Variants in VAT1L observed in about 807,000 individuals in gnomAD.
VAT1L encodes the protein putative NADPH-dependent quinone oxidoreductase VAT1L.
Under a neutral mutation model 44.1 loss-of-function variants are expected in VAT1L, and 34 were observed. That is an observed-to-expected ratio of 0.77 (90% confidence interval 0.59 to 1.03). The LOEUF (loss-of-function observed/expected upper bound fraction) is 1.03. Among genes scored for constraint, VAT1L ranks in the 50% least tolerant of loss-of-function variants. The pLI, the probability that VAT1L is intolerant of heterozygous loss-of-function variation, is 0.00. For synonymous variants in VAT1L, 253 were observed against 202.2 expected (o/e 1.25, Z -2.13); for missense variants, 615 against 538.8 (o/e 1.14, Z -1.40).
At chr16:77,826,049 A>T (rs1338182039) in intron 3 of VAT1L, among the ~76,000 whole-genome samples, 1 of 44,122 alleles carries the variant, frequency 2.3e-5, no homozygotes, top group Non-Finnish European at 4.7e-5. Flanking sequence ...AAAAAAAAAA[A>T]GAAAGAAATT....
At chr16:77,914,342 T>C (rs1224500036) in intron 7 of VAT1L, among the ~76,000 whole-genome samples, 1 of 152,226 alleles carries the variant, frequency 6.6e-6, no homozygotes, top group African/African-American at 2.4e-5. Flanking sequence ...TGTACCTGTA[T>C]GGTGGAGTAC....
chr16:77,816,664 T>G (rs575094031), intron 1 of VAT1L, among the ~76,000 whole-genome samples: 2 of 152,288 alleles, frequency 1.3e-5, no homozygotes, highest in South Asian at 4.1e-4. Context: ...CAGTGTAAAC[T>G]CTGCAACTAC....
intron 8 of VAT1L, among the ~76,000 whole-genome samples, chr16:77,976,142 T>C (rs1461770415): frequency 6.6e-6 from 1 of 152,180 alleles, no homozygotes; most frequent in African/African-American, 2.4e-5. Flanking sequence ...ATGTACCTAG[T>C]GGTAGGGAAG....
chr16:77,977,407 C>CAA (rs2018352560), intron 8 of VAT1L, among the ~76,000 whole-genome samples, 190 bp from the exon 9 acceptor site: 2 of 152,190 alleles, frequency 1.3e-5, no homozygotes, highest in Non-Finnish European at 2.9e-5. Context: ...TACTGGTATT[C>CAA]AAATCCTTAT....
chr16:77,971,028 T>A (rs1240132344), intron 7 of VAT1L, among the ~76,000 whole-genome samples: 1 of 151,670 alleles, frequency 6.6e-6, no homozygotes, highest in Non-Finnish European at 1.5e-5. Flanking sequence ...TTTTTCTTAA[T>A]CAAGAGATGT....
chr16:77,898,181 T>A (rs1333515416), intron 7 of VAT1L, among the ~76,000 whole-genome samples: 1 of 152,190 alleles, frequency 6.6e-6, no homozygotes, highest in African/African-American at 2.4e-5. Flanking sequence ...CCCCACTTTA[T>A]AAGAACACTA....
intron 7 of VAT1L, among the ~76,000 whole-genome samples, chr16:77,942,811 C>A (rs759446731): frequency 2.6e-5 from 4 of 152,108 alleles, no homozygotes; most frequent in African/African-American, 9.7e-5. Context: ...GTGGCACAAT[C>A]TGAGCTCACT....
At chr16:77,805,366 C>G (rs540771208) in intron 1 of VAT1L, among the ~76,000 whole-genome samples, 1 of 152,152 alleles carries the variant, frequency 6.6e-6, no homozygotes, top group African/African-American at 2.4e-5. Context: ...AGATCAATGC[C>G]TATTTTCCTA....
rs1485553830 is a variant in VAT1L, at chr16:77,879,944, A to G, written c.882+720A>G. On this transcript the variant is annotated intron_variant, in intron 6 of 8. Coordinates refer to ENST00000302536, the MANE Select transcript of VAT1L (RefSeq NM_020927.3). This position sits in a 1 kb window ranked among gnomAD's most constrained non-coding sequence, Gnocchi z 4.1. ...GTCTCCCCATCCTCTTGAATCGGAG[A>G]TAGAAATGAGGACCCTATGACCTTA... 6.6e-6 allele frequency among the ~76,000 whole-genome samples: 1 copy of G among 152,082 alleles called. No individual in the cohort carries two copies. The highest frequency in any genetic ancestry group is 1.5e-5 in the Non-Finnish European group (1 of 68,022).
chr16:77,794,762 G>A (rs1257092287), intron 1 of VAT1L, among the ~76,000 whole-genome samples: 1 of 152,180 alleles, frequency 6.6e-6, no homozygotes, highest in Non-Finnish European at 1.5e-5. Flanking sequence ...GTATTGGATG[G>A]AAGCATCAGG....
At chr16:77,798,002 A>C (rs1371385102) in intron 1 of VAT1L, among the ~76,000 whole-genome samples, 2 of 152,184 alleles carry the variant, frequency 1.3e-5, no homozygotes, top group African/African-American at 4.8e-5. Flanking sequence ...TTATCTTTGA[A>C]CATGATATTT....
chr16:77,904,652 C>T (rs1391621002), intron 7 of VAT1L, among the ~76,000 whole-genome samples: 4 of 152,158 alleles, frequency 2.6e-5, no homozygotes, highest in African/African-American at 7.2e-5. Context: ...AGGGCTTAAA[C>T]GTGAAATTAG....
intron 8 of VAT1L, among the ~76,000 whole-genome samples, chr16:77,974,484 T>G (rs1158388845): frequency 6.6e-6 from 1 of 152,220 alleles, no homozygotes; most frequent in Admixed American, 6.5e-5. Flanking sequence ...GAGCAGATGC[T>G]GAAAAATCCA....
intron 7 of VAT1L, among the ~76,000 whole-genome samples, chr16:77,913,538 C>T (rs890041058): frequency 6.6e-6 from 1 of 151,960 alleles, no homozygotes; most frequent in Non-Finnish European, 1.5e-5. Context: ...TACTATGATG[C>T]TTCCTTCAGT....
chr16:77,848,602 G>A (rs1457476288), intron 3 of VAT1L, among the ~76,000 whole-genome samples: 1 of 152,152 alleles, frequency 6.6e-6, no homozygotes, highest in African/African-American at 2.4e-5. Context: ...CGGTTACCAT[G>A]CACAGGGGCA....
At chr16:77,972,142 C>T (rs1448194222) in intron 8 of VAT1L, among the ~76,000 whole-genome samples, 1 of 152,126 alleles carries the variant, frequency 6.6e-6, no homozygotes, top group African/African-American at 2.4e-5. Context: ...TCAGTGAGAG[C>T]ATATCAAAAG....
intron 8 of VAT1L, among the ~76,000 whole-genome samples, chr16:77,974,211 C>A (rs181091332): frequency 6.6e-6 from 1 of 152,042 alleles, no homozygotes; most frequent in African/African-American, 2.4e-5. Context: ...GAGAGGGCAA[C>A]GAGAGGGAGG....
In VAT1L at chr16:77,884,558, C is replaced by T; in HGVS notation, c.883-50C>T. The stretch of plus-strand genomic sequence containing the variant: ...ACATCAGCAATGCTGCCAATGTAGG[C>T]TTAACCCCGGTATTGAGTTCCTATA... On this transcript the variant is annotated intron_variant, in intron 6 of 8. Coordinates refer to ENST00000302536, the MANE Select transcript of VAT1L (RefSeq NM_020927.3). This position sits in a 1 kb window ranked among gnomAD's most constrained non-coding sequence, Gnocchi z 4.5. 6.4e-7 allele frequency: 1 copy of T among 1,570,306 alleles called. No homozygotes were observed. The highest frequency in any genetic ancestry group is 8.7e-7 in the Non-Finnish European group (1 of 1,155,190).
At chr16:77,838,821 TTCTC>T (rs1050802051) in intron 3 of VAT1L, among the ~76,000 whole-genome samples, 5 of 151,868 alleles carry the variant, frequency 3.3e-5, no homozygotes, top group African/African-American at 4.8e-5. Flanking sequence ...CTTCTTTTCC[TTCTC>T]TCTTTCTCTC....
Sources: allele counts gnomAD v4.1 joint callset (sites outside exome capture counted in the v4.1 genomes callset), GRCh38; gene constraint gnomAD v4.1.1; non-coding constraint Gnocchi (gnomAD v3.1); transcripts MANE v1.5; gene names NCBI Gene and HGNC (gene_info 2026-07-23, HGNC 2026-07-21).